RSRC1: variants seen among roughly 807,000 people sequenced by gnomAD.
RSRC1 encodes arginine and serine rich coiled-coil 1, also known as serine/Arginine-related protein 53.
In RSRC1, 39 loss-of-function variants were observed where a neutral mutation model predicts 49.1. The ratio of observed to expected loss-of-function variants is 0.79; its 90% CI spans 0.61 to 1.04. RSRC1 has a LOEUF of 1.04. Ranked by LOEUF, RSRC1 falls within the 50% of genes least tolerant of loss-of-function variation. The probability of loss-of-function intolerance (pLI) is 0.00; values close to 1 mark genes in which losing one functional copy is unlikely to be tolerated. For synonymous variants in RSRC1, 143 were observed against 130.8 expected (o/e 1.09, Z -0.63); for missense variants, 388 against 402.4 (o/e 0.96, Z 0.31).
At chr3:158,328,757 G>A (rs890601432) in intron 5 of RSRC1, among the ~76,000 whole-genome samples, 2 of 152,134 alleles carry the variant, frequency 1.3e-5, no homozygotes, top group African/African-American at 4.8e-5. Flanking sequence ...GGCGCTCTCT[G>A]TATTTCCTGA....
intron 7 of RSRC1, among the ~76,000 whole-genome samples, chr3:158,483,162 A>G (rs1435753196): frequency 6.6e-6 from 1 of 152,054 alleles, no homozygotes; most frequent in Admixed American, 6.6e-5. Context: ...TCTTCCTCTT[A>G]ATATGAATGT....
intron 7 of RSRC1, chr3:158,469,828 A>G (rs1738047758): frequency 6.6e-6 from 1 of 152,132 alleles, no homozygotes; most frequent in Admixed American, 6.5e-5. Context: ...TGGAAATTCT[A>G]ATTACCTATT....
intron 3 of RSRC1, among the ~76,000 whole-genome samples, chr3:158,171,455 A>G (rs1156605338): frequency 6.6e-6 from 1 of 152,232 alleles, no homozygotes; most frequent in African/African-American, 2.4e-5. Context: ...ACTTTAAAGT[A>G]GCTATTACAA....
At chr3:158,199,771 A>G (rs1271440793) in intron 3 of RSRC1, among the ~76,000 whole-genome samples, 4 of 151,970 alleles carry the variant, frequency 2.6e-5, no homozygotes, top group African/African-American at 4.8e-5. Context: ...TACTTTACTC[A>G]TGGATTATTT....
chr3:158,260,136 T>C lies in RSRC1; in HGVS notation c.495-37903T>C, dbSNP rs542553898. On this transcript the variant is annotated intron_variant, in intron 4 of 9. Transcript: ENST00000611884. ...CTCTTTACTCCTTTTCTTCTCCTTT[T>C]CTGAAGGAGGAGTCTCTTCCAATAG... 3.7e-4 allele frequency among the ~76,000 whole-genome samples: 34 copies of C among 92,322 alleles called. No homozygotes were observed. In the East Asian group the frequency reaches 0.014, roughly 38 times the overall value. The allele number at this position is 92,322 out of a possible 152,430, so 60.6% of individuals were successfully genotyped here. A position where few individuals can be genotyped will look rare whatever the true frequency, so the allele number is the denominator to read the frequency against.
intron 6 of RSRC1, among the ~76,000 whole-genome samples, chr3:158,404,785 T>C (rs1734070943): frequency 6.6e-6 from 1 of 152,010 alleles, no homozygotes. Context: ...TCCTTATTCT[T>C]CAATAACACA....
intron 6 of RSRC1, among the ~76,000 whole-genome samples, chr3:158,452,655 A>G (rs1578497183): frequency 6.6e-6 from 1 of 152,240 alleles, no homozygotes; most frequent in East Asian, 1.9e-4. Context: ...ATTATAACAA[A>G]TTGAAATAAG....
At chr3:158,176,540 A>AGCAAT (rs1719231243) in intron 3 of RSRC1, among the ~76,000 whole-genome samples, 2 of 150,450 alleles carry the variant, frequency 1.3e-5, no homozygotes, top group African/African-American at 2.4e-5. Flanking sequence ...GACAAATACA[A>AGCAAT]GGGGAAAGGA....
At chr3:158,356,298 A>T (rs1044804844) in intron 6 of RSRC1, among the ~76,000 whole-genome samples, 1 of 152,104 alleles carries the variant, frequency 6.6e-6, no homozygotes, top group Non-Finnish European at 1.5e-5. Flanking sequence ...TTTAGGATTC[A>T]TTGATCAAGA....
At chr3:158,275,672 T>C (rs1725767462) in intron 4 of RSRC1, 3 of 398,136 alleles carry the variant, frequency 7.5e-6, no homozygotes, top group Non-Finnish European at 1.2e-5. Context: ...CTTCAAACAT[T>C]ATTGCACTTT....
chr3:158,309,436 T>C (rs1728013421), intron 5 of RSRC1, among the ~76,000 whole-genome samples: 2 of 151,882 alleles, frequency 1.3e-5, no homozygotes. Context: ...TTTTTTGAAC[T>C]ATGATAAAAA....
intron 3 of RSRC1, among the ~76,000 whole-genome samples, chr3:158,140,693 T>C (rs1423231944): frequency 1.3e-5 from 2 of 152,252 alleles, no homozygotes; most frequent in African/African-American, 2.4e-5. Context: ...TCTTAGGTGA[T>C]TGGTCACATA....
At chr3:158,543,054 A>G (rs1224706079) in intron 8 of RSRC1, among the ~76,000 whole-genome samples, 1 of 152,096 alleles carries the variant, frequency 6.6e-6, no homozygotes. Context: ...GCATTTTTCT[A>G]TTTGTTATTC....
intron 4 of RSRC1, among the ~76,000 whole-genome samples, chr3:158,203,901 A>G (rs1033838367): frequency 2.0e-5 from 3 of 152,202 alleles, no homozygotes; most frequent in Non-Finnish European, 4.4e-5. Context: ...GTCAAATTAG[A>G]AAACATTAAA....
intron 6 of RSRC1, among the ~76,000 whole-genome samples, chr3:158,396,289 C>T (rs899293569): frequency 6.6e-6 from 1 of 151,772 alleles, no homozygotes; most frequent in Non-Finnish European, 1.5e-5. Flanking sequence ...ACCCCCATGA[C>T]ATGCAATTTA....
intron 3 of RSRC1, among the ~76,000 whole-genome samples, chr3:158,154,980 A>C (rs1432588534): frequency 6.6e-6 from 1 of 152,178 alleles, no homozygotes; most frequent in African/African-American, 2.4e-5. Flanking sequence ...CCATTCAGTC[A>C]CATCTTCAGG....
At chr3:158,185,477 G>A (rs973483948) in intron 3 of RSRC1, among the ~76,000 whole-genome samples, 14 of 151,694 alleles carry the variant, frequency 9.2e-5, no homozygotes, top group African/African-American at 3.1e-4. Context: ...TGTTTTTTAC[G>A]CATTTAAAAA....
chr3:158,517,251 C>G (rs947596162), intron 7 of RSRC1, among the ~76,000 whole-genome samples: 2 of 152,032 alleles, frequency 1.3e-5, no homozygotes, highest in Non-Finnish European at 1.5e-5. Flanking sequence ...TGATTTTGTA[C>G]CTAACAAATT....
At chr3:158,210,112 T>C (rs185548215) in intron 4 of RSRC1, among the ~76,000 whole-genome samples, 1 of 152,248 alleles carries the variant, frequency 6.6e-6, no homozygotes, top group Admixed American at 6.5e-5. Context: ...TAACCTGTTA[T>C]TTATACAGCA....
Sources: gnomAD v4.1 joint callset for allele counts (sites outside exome capture counted in the v4.1 genomes callset) on GRCh38, gnomAD v4.1.1 for gene constraint, MANE v1.5 for transcripts, NCBI Gene and HGNC (gene_info 2026-07-23, HGNC 2026-07-21) for gene names.